CDH2: variants seen among roughly 807,000 people sequenced by gnomAD.
CDH2 encodes cadherin 2.
Under a neutral mutation model 92.0 loss-of-function variants are expected in CDH2, and 17 were observed. That is an observed-to-expected ratio of 0.18 (90% CI 0.13 to 0.28). The LOEUF is 0.28. Ranked by LOEUF, CDH2 falls within the 10% of genes least tolerant of loss-of-function variation. CDH2 has a pLI of 1.00. For missense variants in CDH2, 862 were observed against 1,133.1 expected, an observed-to-expected ratio of 0.76 and a Z score of 3.44; for synonymous variants, 419 against 415.9, an observed-to-expected ratio of 1.01 and a Z score of -0.09.
At chr18:28,011,693 C>T (rs984099518) in intron 4 of CDH2, among the ~76,000 whole-genome samples, 153 bp downstream of exon 4, 1 of 152,152 alleles carries the variant, frequency 6.6e-6, no homozygotes, top group Non-Finnish European at 1.5e-5. Context: ...TGAGAAGAGG[C>T]TTTCTACAAC....
chr18:27,961,662 CTGTT>C (rs1035117302), intron 15 of CDH2, among the ~76,000 whole-genome samples: 11 of 152,132 alleles, frequency 7.2e-5, no homozygotes, highest in South Asian at 6.2e-4. Context: ...ATAAACCTTA[CTGTT>C]TGTTTGATCT....
intron 5 of CDH2, among the ~76,000 whole-genome samples, chr18:28,006,933 A>T (rs935070467): frequency 1.9e-4 from 29 of 151,270 alleles, no homozygotes; most frequent in Non-Finnish European, 3.4e-4. Flanking sequence ...GAACTTTGGG[A>T]GGCTGAAGCA....
At chr18:27,995,608 G>C (rs1010293950) in intron 7 of CDH2, among the ~76,000 whole-genome samples, 8 of 152,148 alleles carry the variant, frequency 5.3e-5, no homozygotes, top group Non-Finnish European at 1.2e-4. Flanking sequence ...TTACATGAAA[G>C]TATAGTTATT....
At chr18:28,154,392 C>G (rs1348309193) in intron 1 of CDH2, among the ~76,000 whole-genome samples, 1 of 152,246 alleles carries the variant, frequency 6.6e-6, no homozygotes, top group Non-Finnish European at 1.5e-5. Flanking sequence ...TTTAGTGCCG[C>G]TCTGTGCTCT....
At chr18:28,024,092 A>C (rs910343696) in intron 2 of CDH2, among the ~76,000 whole-genome samples, 1 of 152,326 alleles carries the variant, frequency 6.6e-6, no homozygotes, top group Admixed American at 6.5e-5. Context: ...AAGAGAATTC[A>C]AAACTACTTA....
chr18:28,031,874 C>T (rs566586100), intron 2 of CDH2, among the ~76,000 whole-genome samples: 8 of 152,072 alleles, frequency 5.3e-5, no homozygotes, highest in Admixed American at 3.9e-4. Context: ...TGATCAGAGC[C>T]GACTTGTCCA....
intron 2 of CDH2, among the ~76,000 whole-genome samples, chr18:28,112,681 C>T (rs1450964030): frequency 6.6e-6 from 1 of 152,000 alleles, no homozygotes; most frequent in African/African-American, 2.4e-5. Context: ...GTCATTCAAA[C>T]CTTGTTTTAC....
intron 1 of CDH2, among the ~76,000 whole-genome samples, chr18:28,176,750 G>A (rs1176484967): frequency 6.6e-6 from 1 of 151,768 alleles, no homozygotes; most frequent in African/African-American, 2.4e-5. Flanking sequence ...CAGGAAAGGC[G>A]CGAGAGACCT....
At chr18:28,025,539 T>A (rs2013528508) in intron 2 of CDH2, among the ~76,000 whole-genome samples, 1 of 149,462 alleles carries the variant, frequency 6.7e-6, no homozygotes, top group Admixed American at 6.7e-5. Context: ...ATAATAATAA[T>A]AAAAATAATA....
intron 2 of CDH2, among the ~76,000 whole-genome samples, chr18:28,033,335 T>A (rs1294138706): frequency 2.0e-5 from 3 of 152,062 alleles, no homozygotes; most frequent in African/African-American, 7.2e-5. Context: ...GGGAGGGATT[T>A]TTATGGACTA....
intron 2 of CDH2, among the ~76,000 whole-genome samples, chr18:28,104,717 T>C (rs982853800): frequency 6.6e-6 from 1 of 151,740 alleles, no homozygotes; most frequent in Non-Finnish European, 1.5e-5. Context: ...TCTATCTATC[T>C]ATCTATCTAT....
chr18:28,013,866 C>G lies in CDH2; in HGVS notation c.216G>C (p.Glu72Asp). The change falls in exon 3 of 16, where the codon GAG becomes GAC. Residue 72 changes from glutamate (E) to aspartate (D), a missense_variant. By Grantham distance (45) the Glu-to-Asp change is conservative. Around this residue, in one of 5 missense-constraint regions of CDH2, gnomAD observed 159 missense variants for 177.2 expected, o/e 0.90. Coordinates refer to ENST00000269141, the MANE Select transcript of CDH2 (RefSeq NM_001792.5). The part of the protein sequence containing the change: ...NCNGKRKVQY[E>D]SSEPADFKVD... ...CCTTAAAATCTGCAGGCTCACTGCTCTCATATTGTACTTTTCTTTTTCCAT... is the reference window on the plus strand; with the variant it reads ...CCTTAAAATCTGCAGGCTCACTGCTGTCATATTGTACTTTTCTTTTTCCAT... 6.2e-7 allele frequency: 1 copy of G among 1,613,742 alleles called. No homozygotes were observed. The highest frequency in any genetic ancestry group is 8.5e-7 in the Non-Finnish European group (1 of 1,179,932).
At chr18:28,116,464 A>T (rs974810100) in intron 2 of CDH2, among the ~76,000 whole-genome samples, 1 of 152,164 alleles carries the variant, frequency 6.6e-6, no homozygotes, top group African/African-American at 2.4e-5. Context: ...AACTATGTTG[A>T]GTCAAGCCAC....
chr18:28,102,293 T>C (rs770175728), intron 2 of CDH2, among the ~76,000 whole-genome samples: 7 of 152,322 alleles, frequency 4.6e-5, no homozygotes, highest in Admixed American at 4.6e-4. Context: ...GTGTTTGGAA[T>C]TGATTGACTA....
intron 4 of CDH2, 77 bp downstream of exon 4, chr18:28,011,769 T>TAA: frequency 1.4e-6 from 2 of 1,413,130 alleles, no homozygotes; most frequent in Non-Finnish European, 2.0e-6. Context: ...TTCTACTTTG[T>TAA]AAAAAAAATA....
chr18:28,060,335 G>A (rs184630861), intron 2 of CDH2, among the ~76,000 whole-genome samples: 1 of 152,114 alleles, frequency 6.6e-6, no homozygotes, highest in East Asian at 1.9e-4. Flanking sequence ...ACAGGCGCGT[G>A]CTACCATACC....
intron 7 of CDH2, among the ~76,000 whole-genome samples, chr18:28,002,261 CAG>C (rs1396874908): frequency 2.6e-5 from 4 of 152,104 alleles, no homozygotes; most frequent in African/African-American, 9.7e-5. Flanking sequence ...TACAAAAACA[CAG>C]GGGTATGTAG....
chr18:28,134,690 A>G (rs2015832676), intron 2 of CDH2, among the ~76,000 whole-genome samples: 1 of 152,170 alleles, frequency 6.6e-6, no homozygotes, highest in African/African-American at 2.4e-5. Flanking sequence ...CAGCTTGGGG[A>G]ACAGAGCAAA....
chr18:28,144,980 GCTT>G (rs1478288411), intron 2 of CDH2, among the ~76,000 whole-genome samples: 4 of 152,170 alleles, frequency 2.6e-5, no homozygotes, highest in East Asian at 1.9e-4. Context: ...TACATTTCAT[GCTT>G]CTTCTATATA....
Sources: gnomAD v4.1 joint callset for allele counts (sites outside exome capture counted in the v4.1 genomes callset) on GRCh38, gnomAD v4.1.1 for gene constraint, gnomAD v4.1.1 regional missense constraint, MANE v1.5 for transcripts, NCBI Gene and HGNC (gene_info 2026-07-23, HGNC 2026-07-21) for gene names.